RECK: variants seen among roughly 807,000 people sequenced by gnomAD.
RECK encodes reversion inducing cysteine rich protein with kazal motifs, also known as reversion-inducing cysteine-rich protein with Kazal motifs.
In RECK, 69 loss-of-function variants were observed where a neutral mutation model predicts 115.1. The observed-to-expected ratio is 0.60, with a 90% CI of 0.49 to 0.73. RECK has a LOEUF of 0.73. Ranked by LOEUF, RECK falls within the 30% of genes least tolerant of loss-of-function variation. The pLI is 0.00. For missense variants in RECK, 1,047 were observed against 1,203.7 expected, an observed-to-expected ratio of 0.87 and a Z score of 1.93; for synonymous variants, 414 against 419.7, an observed-to-expected ratio of 0.99 and a Z score of 0.17.
At chr9:36,044,092 A>G (rs914752191) in intron 1 of RECK, among the ~76,000 whole-genome samples, 1 of 152,126 alleles carries the variant, frequency 6.6e-6, no homozygotes, top group Non-Finnish European at 1.5e-5. Flanking sequence ...GATTCTACCC[A>G]TCCGTGAGCA....
chr9:36,090,941 C>A (rs1169669484), intron 9 of RECK, among the ~76,000 whole-genome samples: 1 of 152,098 alleles, frequency 6.6e-6, no homozygotes, highest in East Asian at 1.9e-4. Context: ...TTTCTAGCAA[C>A]CTTGACAAAA....
At chr9:36,052,241 TTGA>T in intron 1 of RECK, 21 bp from the exon 2 acceptor site, 1 of 1,505,270 alleles carries the variant, frequency 6.6e-7, no homozygotes, top group Non-Finnish European at 9.2e-7. Flanking sequence ...GGAACAACAT[TTGA>T]TGTTTATTTT....
chr9:36,038,812 AC>A (rs1429622572), intron 1 of RECK, among the ~76,000 whole-genome samples: 4 of 149,956 alleles, frequency 2.7e-5, no homozygotes, highest in African/African-American at 9.9e-5. Flanking sequence ...CAAACAAACA[AC>A]AAAAAAAAAA....
chr9:36,091,273 T>C lies in RECK; in HGVS notation c.1015T>C (p.Leu339=). ...AGTGGAAGTGTCCATGTTGACCTGT[T>C]TAGCGGATGTCCGGGAACCTTGCCA... ...NPVEVSMLTC[L]ADVREPCQLG... The change falls in exon 10 of 21, where the codon TTA becomes CTA. Residue 339 remains leucine (L), a synonymous_variant. Coordinates refer to ENST00000377966, the MANE Select transcript of RECK (RefSeq NM_021111.3). The C allele has an allele frequency of 6.2e-7, 1 of 1,611,236 alleles. No individual in the cohort carries two copies. The highest frequency in any genetic ancestry group is 8.5e-7 in the Non-Finnish European group (1 of 1,179,094).
intron 2 of RECK, among the ~76,000 whole-genome samples, chr9:36,056,483 A>G (rs1821530944): frequency 6.6e-6 from 1 of 152,174 alleles, no homozygotes; most frequent in Admixed American, 6.6e-5. Context: ...CCCATAGTCC[A>G]AACTTTGCTA....
intron 10 of RECK, among the ~76,000 whole-genome samples, chr9:36,099,258 C>CA (rs1823471323): frequency 6.8e-6 from 1 of 147,866 alleles, no homozygotes; most frequent in South Asian, 2.1e-4. Flanking sequence ...ACAACAACAA[C>CA]AACAACAACA....
In RECK at chr9:36,106,237, A is replaced by C. The variant is rs1216589682; in HGVS notation, c.1576+954A>C. Among the ~76,000 whole-genome samples, 5 of 150,570 alleles carry C rather than the reference A, an allele frequency of 3.3e-5. No individual in the cohort carries two copies. The East Asian group carries it at 7.7e-4, about 23-fold the overall frequency. ...AAAAAAAAAAAAAAGATTAAAAAAA[A>C]ACGTTTTTTTTTTTGAGACGGGGTT... On this transcript the variant is annotated intron_variant, in intron 13 of 20. Coordinates refer to ENST00000377966, the MANE Select transcript of RECK (RefSeq NM_021111.3).
chr9:36,087,925 T>A lies in RECK; in HGVS notation c.869T>A (p.Leu290Ter). Residue 290 changes from leucine (L) to a stop codon, truncating the protein, a stop_gained, in exon 9 of 21, where the codon TTG becomes TAG. Transcript: ENST00000377966. LOFTEE classifies it high-confidence loss of function. Reference protein sequence around the residue: ...PPSTGLDGAKLHCCSKANTST... With the variant: ...PPSTGLDGAK ...TCTACAGGCCTCGATGGGGCTAAAT[T>A]GCATTGTTGTTCTAAAGCAAACACT... 1 of 1,613,618 alleles carries A rather than the reference T, an allele frequency of 6.2e-7. No homozygotes were observed. The highest frequency in any genetic ancestry group is 1.3e-5 in the African/African-American group (1 of 75,032).
intron 2 of RECK, among the ~76,000 whole-genome samples, chr9:36,057,845 C>T (rs531521335): frequency 1.2e-4 from 18 of 152,112 alleles, no homozygotes; most frequent in Non-Finnish European, 1.9e-4. Context: ...AATAAAAGAA[C>T]ATGAACAGAC....
chr9:36,060,273 C>A (rs909240469), intron 4 of RECK, 118 bp downstream of exon 4: 10 of 970,434 alleles, frequency 1.0e-5, no homozygotes, highest in African/African-American at 1.6e-5. Context: ...TCCTCTCCTT[C>A]CCTTCAACAC....
At chr9:36,058,951 A>G (rs748388119) in intron 3 of RECK, 50 bp downstream of exon 3, 28 of 1,235,766 alleles carry the variant, frequency 2.3e-5, no homozygotes, top group Admixed American at 5.0e-5. Flanking sequence ...AAATGAAACT[A>G]TCCAATGAAT....
intron 9 of RECK, among the ~76,000 whole-genome samples, chr9:36,090,629 TACA>T (rs1823122526): frequency 2.0e-5 from 3 of 152,192 alleles, no homozygotes; most frequent in Non-Finnish European, 4.4e-5. Context: ...GATTGTGTAT[TACA>T]ATAGTACATA....
At position 36,102,208 on chromosome 9, in the gene RECK, T is replaced by C; in HGVS notation, c.1413T>C (p.Cys471=). 1 of 1,613,308 alleles carries C rather than the reference T, an allele frequency of 6.2e-7. No individual in the cohort carries two copies. Among genetic ancestry groups the C allele is most frequent in the Non-Finnish European group, 8.5e-7 (1 of 1,179,558 alleles). Residue 471 remains cysteine (C), a synonymous_variant, in exon 12 of 21, where the codon TGT becomes TGC. Transcript: ENST00000377966. ...CACCTACAGATGATCTGAAGAATTG[T>C]ATACCTTTGGATACATACCTCAGTA... ...LLSPTDDLKN[C]IPLDTYLRPS... is the part of the protein sequence containing the mutation.
chr9:36,069,930 A>G (rs569878818), intron 6 of RECK, among the ~76,000 whole-genome samples: 40 of 152,240 alleles, frequency 2.6e-4, no homozygotes, highest in Non-Finnish European at 5.0e-4. Flanking sequence ...GCCAGAAGAC[A>G]GTAGAATGAT....
chr9:36,055,485 C>A (rs1323556582), intron 2 of RECK, among the ~76,000 whole-genome samples: 1 of 152,100 alleles, frequency 6.6e-6, no homozygotes, highest in African/African-American at 2.4e-5. Flanking sequence ...TTTACTATAC[C>A]CCTTTACATG....
At chr9:36,037,902 T>C (rs1820730573) in intron 1 of RECK, among the ~76,000 whole-genome samples, 2 of 147,956 alleles carry the variant, frequency 1.4e-5, no homozygotes, top group Non-Finnish European at 3.0e-5. Flanking sequence ...GAAAGTGGAG[T>C]GATTCCCCCT....
Position 36,105,234 on chromosome 9 carries a change from A to G in RECK, c.1527A>G (p.Arg509=), listed in dbSNP as rs762519335. 41 of 1,613,966 alleles carry G rather than the reference A, an allele frequency of 2.5e-5. No homozygotes were observed. In the East Asian group the frequency reaches 9.1e-4, roughly 36 times the overall value. Residue 509 remains arginine (R), a synonymous_variant, in exon 13 of 21, where the codon CGA becomes CGG. Transcript: ENST00000377966. ...CPANELCEVN[R]KGCPSGDPCL... is the part of the protein sequence containing the mutation. ...CCAATGAGCTCTGTGAAGTAAACCG[A>G]AAAGGATGTCCATCTGGAGATCCCT...
chr9:36,094,947 C>T lies in RECK; in HGVS notation c.1085+3604C>T, dbSNP rs573525335. ...GCTGGGTTAAAAAGCAAGTCTCAAC[C>T]GCTGTCAGAAGATGAAAATCATAAA... On this transcript the variant is annotated intron_variant, in intron 10 of 20. Transcript: ENST00000377966. This position sits in a 1 kb window ranked among gnomAD's most constrained non-coding sequence, Gnocchi z 4.1. Among the ~76,000 whole-genome samples the T allele has an allele frequency of 5.3e-4, 81 of 152,234 alleles. No homozygotes were observed. The highest frequency in any genetic ancestry group is 1.4e-3 in the African/African-American group (59 of 41,538).
At chr9:36,058,755 G>A in intron 2 of RECK, 72 bp from the exon 3 acceptor site, 1 of 897,138 alleles carries the variant, frequency 1.1e-6, no homozygotes, top group Non-Finnish European at 1.7e-6. Flanking sequence ...AAATCTAGAG[G>A]ATAATAAGTT....
Sources: allele counts gnomAD v4.1 joint callset (sites outside exome capture counted in the v4.1 genomes callset), GRCh38; gene constraint gnomAD v4.1.1; non-coding constraint Gnocchi (gnomAD v3.1); transcripts MANE v1.5; gene names NCBI Gene and HGNC (gene_info 2026-07-23, HGNC 2026-07-21).